PEAK1: variants seen among roughly 807,000 people sequenced by gnomAD.
PEAK1 encodes inactive tyrosine-protein kinase PEAK1.
A neutral mutation model predicts 124.7 loss-of-function variants in PEAK1; 54 were observed. The observed-to-expected ratio is 0.43, with a 90% confidence interval of 0.35 to 0.54. The LOEUF is 0.54. Among genes scored for constraint, PEAK1 ranks in the 20% least tolerant of loss-of-function variants. The pLI is 0.01. For synonymous variants in PEAK1, 719 were observed against 760.0 expected, an observed-to-expected ratio of 0.95 and a Z score of 0.89; for missense variants, 2,046 against 2,134.5, an observed-to-expected ratio of 0.96 and a Z score of 0.82.
intron 6 of PEAK1, among the ~76,000 whole-genome samples, chr15:77,239,556 C>A (rs564680277): frequency 2.6e-5 from 4 of 152,284 alleles, no homozygotes; most frequent in African/African-American, 9.6e-5. Flanking sequence ...TGGCAAACAG[C>A]ATATGCTTAT....
chr15:77,358,490 T>C (rs1244589216), intron 2 of PEAK1, among the ~76,000 whole-genome samples: 1 of 152,230 alleles, frequency 6.6e-6, no homozygotes, highest in African/African-American at 2.4e-5. Flanking sequence ...TTTATTTTAT[T>C]TGAACTTTCT....
In PEAK1 at chr15:77,180,874, T is replaced by G; in HGVS notation, c.1053A>C (p.Glu351Asp). The G allele has an allele frequency of 6.2e-7, 1 of 1,614,082 alleles. No individual in the cohort carries two copies. The highest frequency in any genetic ancestry group is 8.5e-7 in the Non-Finnish European group (1 of 1,179,998). ...AACTACTGGCTGTCTCAGAACGTGA[T>G]TCTTCTGTTAAAGAAGAATCTGGTG... ...STSPDSSLTE[E>D]SRSETASSLS... Residue 351 changes from glutamate (E) to aspartate (D), a missense_variant, in exon 7 of 10, where the codon GAA becomes GAC. By Grantham distance (45) the Glu-to-Asp change is conservative. Transcript: ENST00000682557.
chr15:77,276,887 G>A (rs907804779), intron 5 of PEAK1, among the ~76,000 whole-genome samples: 4 of 151,992 alleles, frequency 2.6e-5, no homozygotes, highest in African/African-American at 7.2e-5. Flanking sequence ...TAATTAAATG[G>A]GGGGGACTAA....
intron 6 of PEAK1, among the ~76,000 whole-genome samples, chr15:77,235,611 C>T (rs560982613): frequency 7.7e-4 from 117 of 152,328 alleles, no homozygotes; most frequent in African/African-American, 2.7e-3. Flanking sequence ...GAAAGACAAA[C>T]CCATTTTCTG....
intron 5 of PEAK1, among the ~76,000 whole-genome samples, chr15:77,270,759 T>C (rs1184576443): frequency 1.3e-5 from 2 of 152,176 alleles, no homozygotes; most frequent in African/African-American, 2.4e-5. Flanking sequence ...ATAAATTACC[T>C]TGGGCAGTAT....
At chr15:77,329,190 C>T (rs2065757415) in intron 2 of PEAK1, among the ~76,000 whole-genome samples, 1 of 152,108 alleles carries the variant, frequency 6.6e-6, no homozygotes, top group South Asian at 2.1e-4. Flanking sequence ...AAACATGATT[C>T]AGAACCAAAA....
downstream of PEAK1, chr15:77,104,194 T>C (rs994406483): frequency 4.6e-5 from 7 of 152,288 alleles, no homozygotes; most frequent in African/African-American, 1.4e-4. Flanking sequence ...TCCTCATCTG[T>C]AAAATGGCTG....
chr15:77,249,433 T>G (rs1303664048), intron 6 of PEAK1, among the ~76,000 whole-genome samples: 2 of 152,210 alleles, frequency 1.3e-5, no homozygotes, highest in Non-Finnish European at 2.9e-5. Context: ...GCCATGATAG[T>G]TCACACCATT....
intron 6 of PEAK1, among the ~76,000 whole-genome samples, chr15:77,192,004 T>C (rs1422358613): frequency 1.3e-5 from 2 of 152,208 alleles, no homozygotes; most frequent in Non-Finnish European, 2.9e-5. Flanking sequence ...CCAACTGCAC[T>C]ACTTTAACTG....
intron 6 of PEAK1, among the ~76,000 whole-genome samples, chr15:77,216,520 T>C (rs2059155628): frequency 2.6e-5 from 4 of 152,182 alleles, no homozygotes; most frequent in Admixed American, 2.6e-4. Flanking sequence ...AACTGATGCC[T>C]TATGAAAGTT....
chr15:77,120,288 G>A (rs558155345), intron 9 of PEAK1, among the ~76,000 whole-genome samples: 21 of 152,102 alleles, frequency 1.4e-4, no homozygotes, highest in South Asian at 1.2e-3. Flanking sequence ...CATTTGTAAC[G>A]CACCCTTGTC....
At chr15:77,404,584 T>C in intron 1 of PEAK1, 1 of 857,184 alleles carries the variant, frequency 1.2e-6, no homozygotes, top group Non-Finnish European at 1.4e-6. Flanking sequence ...AATTTGAAAC[T>C]ACATATGTGG....
At chr15:77,310,145 A>G (rs1401275313) in intron 2 of PEAK1, among the ~76,000 whole-genome samples, 2 of 152,186 alleles carry the variant, frequency 1.3e-5, no homozygotes, top group Non-Finnish European at 2.9e-5. Flanking sequence ...TGGCTGGACT[A>G]AAACTCAGTA....
chr15:77,176,701 G>A (rs1166940737), intron 7 of PEAK1, among the ~76,000 whole-genome samples: 1 of 152,190 alleles, frequency 6.6e-6, no homozygotes, highest in Admixed American at 6.5e-5. Context: ...AAGCTGTATA[G>A]TAAGAGGTCT....
chr15:77,418,121 T>C, intron 1 of PEAK1: 3 of 984,182 alleles, frequency 3.0e-6, no homozygotes, highest in South Asian at 9.4e-5. Context: ...GCTACAAACA[T>C]TATTGTGAAA....
chr15:77,237,723 T>C (rs575783319), intron 6 of PEAK1, among the ~76,000 whole-genome samples: 1 of 152,228 alleles, frequency 6.6e-6, no homozygotes, highest in Admixed American at 6.5e-5. Context: ...ATTAAAAAAA[T>C]TATTAGATTT....
intron 5 of PEAK1, among the ~76,000 whole-genome samples, chr15:77,257,456 T>C (rs1269807897): frequency 6.6e-6 from 1 of 150,672 alleles, no homozygotes; most frequent in Non-Finnish European, 1.5e-5. Context: ...GTGGTTTTGA[T>C]TTGCATTTCT....
At chr15:77,197,814 G>A (rs1032292563) in intron 6 of PEAK1, among the ~76,000 whole-genome samples, 2 of 152,012 alleles carry the variant, frequency 1.3e-5, no homozygotes, top group African/African-American at 4.8e-5. Flanking sequence ...AACAACATGG[G>A]TTTGAACTGC....
At chr15:77,339,991 A>G (rs1485854181) in intron 2 of PEAK1, among the ~76,000 whole-genome samples, 1 of 152,194 alleles carries the variant, frequency 6.6e-6, no homozygotes, top group African/African-American at 2.4e-5. Flanking sequence ...CACAACACCA[A>G]ATGCTGGCAA....
Sources: allele counts gnomAD v4.1 joint callset (sites outside exome capture counted in the v4.1 genomes callset), GRCh38; gene constraint gnomAD v4.1.1; transcripts MANE v1.5; gene names NCBI Gene and HGNC (gene_info 2026-07-23, HGNC 2026-07-21).